The following REDIC1 variants were observed in gnomAD, a reference collection of about 807,000 sequenced individuals.
REDIC1 encodes the protein regulator of DNA class I crossover intermediates 1.
At chr12:39,673,800 T>C in the REDIC1 span, among the ~76,000 whole-genome samples, 2 of 152,204 alleles carry the variant, frequency 1.3e-5, no homozygotes, top group South Asian at 4.1e-4. Context: ...TTATATTTAT[T>C]TACTTCTCTA....
At chr12:39,642,125 T>C in the REDIC1 span, among the ~76,000 whole-genome samples, 1 of 151,786 alleles carries the variant, frequency 6.6e-6, no homozygotes, top group Non-Finnish European at 1.5e-5. Flanking sequence ...TCAAATTGTT[T>C]TCTAGTTGTT....
At chr12:39,720,716 T>G in the REDIC1 span, 1 of 1,132,610 alleles carries the variant, frequency 8.8e-7, no homozygotes, top group Non-Finnish European at 1.3e-6. Flanking sequence ...AAGAATATAT[T>G]CTTTGAAGTG....
the REDIC1 span, among the ~76,000 whole-genome samples, chr12:39,670,218 T>A: frequency 2.0e-5 from 3 of 151,846 alleles, no homozygotes; most frequent in South Asian, 2.1e-4. Flanking sequence ...TGAGATAGAG[T>A]CTTGCTCCAT....
At chr12:39,711,668 C>A in the REDIC1 span, among the ~76,000 whole-genome samples, 1 of 135,944 alleles carries the variant, frequency 7.4e-6, no homozygotes, top group African/African-American at 2.7e-5. Flanking sequence ...TGTCTATACA[C>A]ATGTATGTGT....
chr12:39,626,372 G>T, the REDIC1 span: 9 of 1,614,096 alleles, frequency 5.6e-6, no homozygotes, highest in Admixed American at 1.3e-4. Context: ...AAGTTGTGCA[G>T]CTGGAGTTTG....
the REDIC1 span, among the ~76,000 whole-genome samples, chr12:39,700,690 G>C: frequency 6.8e-3 from 1,032 of 152,094 alleles, 13 homozygotes; most frequent in African/African-American, 0.024. Flanking sequence ...CAGAGAGAAA[G>C]GTCGGGTTAC....
chr12:39,742,648 C>T, the REDIC1 span, among the ~76,000 whole-genome samples: 5 of 151,972 alleles, frequency 3.3e-5, no homozygotes, highest in African/African-American at 9.7e-5. Context: ...TCTTAAATCA[C>T]GTAAAAAAGT....
the REDIC1 span, among the ~76,000 whole-genome samples, chr12:39,896,222 A>C: frequency 6.7e-6 from 1 of 148,158 alleles, no homozygotes; most frequent in Non-Finnish European, 1.5e-5. Context: ...ATACGTATAC[A>C]TATATGCATA....
chr12:39,734,748 CA>C, the REDIC1 span, among the ~76,000 whole-genome samples: 3 of 152,124 alleles, frequency 2.0e-5, no homozygotes, highest in East Asian at 5.8e-4. Context: ...CTTCTTATGC[CA>C]ATATCATACT....
At chr12:39,894,197 A>T in the REDIC1 span, among the ~76,000 whole-genome samples, 1 of 152,170 alleles carries the variant, frequency 6.6e-6, no homozygotes, top group Admixed American at 6.6e-5. Flanking sequence ...GACTCTGCAA[A>T]CTTTCAAGTG....
chr12:39,775,319 A>T, the REDIC1 span, among the ~76,000 whole-genome samples: 16 of 152,358 alleles, frequency 1.1e-4, no homozygotes, highest in Middle Eastern at 3.4e-3. Context: ...AGTTACTTTC[A>T]TTTTGGCACC....
the REDIC1 span, among the ~76,000 whole-genome samples, chr12:39,673,699 C>T: frequency 6.6e-6 from 1 of 152,190 alleles, no homozygotes; most frequent in Non-Finnish European, 1.5e-5. Context: ...CACTTCCTTA[C>T]TCTAGTGACT....
chr12:39,812,372 CTTTTCTTTT>C, the REDIC1 span, among the ~76,000 whole-genome samples: 1 of 142,170 alleles, frequency 7.0e-6, no homozygotes, highest in African/African-American at 2.7e-5. Context: ...CTTTTCTTTT[CTTTTCTTTT>C]CTTTCTTTCT....
At chr12:39,673,313 T>G in the REDIC1 span, among the ~76,000 whole-genome samples, 2 of 152,322 alleles carry the variant, frequency 1.3e-5, no homozygotes, top group South Asian at 4.1e-4. Context: ...TTTTTAAATT[T>G]TATTAGTTAG....
At chr12:39,816,129 T>C in the REDIC1 span, among the ~76,000 whole-genome samples, 1 of 152,222 alleles carries the variant, frequency 6.6e-6, no homozygotes, top group Non-Finnish European at 1.5e-5. Context: ...AACTAGAATT[T>C]GCCTATTCCT....
the REDIC1 span, among the ~76,000 whole-genome samples, chr12:39,635,534 A>G: frequency 6.6e-6 from 1 of 152,002 alleles, no homozygotes; most frequent in South Asian, 2.1e-4. Flanking sequence ...TCAGCAAACT[A>G]TCACAAGGAC....
chr12:39,740,068 T>C, the REDIC1 span, among the ~76,000 whole-genome samples: 1 of 152,204 alleles, frequency 6.6e-6, no homozygotes, highest in Non-Finnish European at 1.5e-5. Context: ...ATTAGTGATA[T>C]TAGGAGTTAC....
the REDIC1 span, among the ~76,000 whole-genome samples, chr12:39,782,271 A>G: frequency 2.6e-5 from 4 of 152,076 alleles, no homozygotes; most frequent in Non-Finnish European, 4.4e-5. Flanking sequence ...TCAAATCTCA[A>G]TTTGAATTGT....
the REDIC1 span, among the ~76,000 whole-genome samples, chr12:39,679,630 A>G: frequency 2.0e-5 from 3 of 152,212 alleles, no homozygotes; most frequent in Non-Finnish European, 4.4e-5. Context: ...TCTTCACAGA[A>G]CTAGAAAAAA....
Sources: gnomAD v4.1 joint callset for allele counts (sites outside exome capture counted in the v4.1 genomes callset) on GRCh38, gnomAD v4.1.1 for gene constraint, MANE v1.5 for transcripts, NCBI Gene and HGNC (gene_info 2026-07-23, HGNC 2026-07-21) for gene names.